ROBO2: variants seen among roughly 807,000 people sequenced by gnomAD.
ROBO2 encodes the protein roundabout guidance receptor 2.
In ROBO2, 53 loss-of-function variants were observed where a neutral mutation model predicts 160.8. The observed-to-expected ratio is 0.33, with a 90% CI of 0.26 to 0.41. The LOEUF is 0.41. Ranked by LOEUF, ROBO2 falls within the 10% of genes least tolerant of loss-of-function variation. The pLI, the probability that ROBO2 is intolerant of heterozygous loss-of-function variation, is 1.00. For synonymous variants in ROBO2, 664 were observed against 611.7 expected (o/e 1.09, Z -1.26); for missense variants, 1,577 against 1,722.4 (o/e 0.92, Z 1.49).
At chr3:76,567,236 C>T (rs570236173) in intron 2 of ROBO2, among the ~76,000 whole-genome samples, 3 of 152,058 alleles carry the variant, frequency 2.0e-5, no homozygotes, top group African/African-American at 4.8e-5. Context: ...CTGAAAATGG[C>T]ATGATTGTGT....
intron 2 of ROBO2, among the ~76,000 whole-genome samples, chr3:76,256,413 A>G (rs1454330989): frequency 2.0e-5 from 3 of 150,186 alleles, no homozygotes; most frequent in African/African-American, 7.3e-5. Flanking sequence ...ATTAAATTGT[A>G]TTAATTAGTT....
At chr3:76,567,633 A>ATG (rs1468544967) in intron 2 of ROBO2, among the ~76,000 whole-genome samples, 2 of 73,822 alleles carry the variant, frequency 2.7e-5, no homozygotes, top group African/African-American at 9.0e-5. Flanking sequence ...ATATATATAT[A>ATG]TATATATATA....
intron 2 of ROBO2, among the ~76,000 whole-genome samples, chr3:76,187,029 C>G (rs972230772): frequency 6.6e-6 from 1 of 150,672 alleles, no homozygotes; most frequent in Non-Finnish European, 1.5e-5. Flanking sequence ...CTATGCCATC[C>G]ATAAATATTA....
chr3:76,989,655 G>A (rs1022050172), intron 2 of ROBO2, among the ~76,000 whole-genome samples: 2 of 151,942 alleles, frequency 1.3e-5, no homozygotes, highest in South Asian at 4.2e-4. Flanking sequence ...GTTTGGAGAA[G>A]GTTTTCTCCT....
intron 2 of ROBO2, among the ~76,000 whole-genome samples, chr3:76,093,390 C>T (rs1485851273): frequency 1.3e-5 from 2 of 151,442 alleles, no homozygotes; most frequent in African/African-American, 4.8e-5. Flanking sequence ...ATACAATTTT[C>T]TTTCTGTCAA....
intron 2 of ROBO2, among the ~76,000 whole-genome samples, chr3:76,137,461 T>TA (rs2071473319): frequency 6.6e-6 from 1 of 152,040 alleles, no homozygotes; most frequent in African/African-American, 2.4e-5. Flanking sequence ...TAGACTATTG[T>TA]AATAATTCAG....
At chr3:76,164,699 C>T (rs957184298) in intron 2 of ROBO2, among the ~76,000 whole-genome samples, 6 of 152,100 alleles carry the variant, frequency 3.9e-5, no homozygotes, top group Non-Finnish European at 7.4e-5. Context: ...AACAGATATA[C>T]CATCATCCAG....
intron 2 of ROBO2, among the ~76,000 whole-genome samples, chr3:76,071,968 A>G (rs992584657): frequency 5.9e-5 from 9 of 152,130 alleles, no homozygotes; most frequent in Admixed American, 2.0e-4. Context: ...ATACCAAAAA[A>G]AGCTTGTTAA....
At chr3:76,520,625 T>A (rs2081560049) in intron 2 of ROBO2, among the ~76,000 whole-genome samples, 1 of 152,186 alleles carries the variant, frequency 6.6e-6, no homozygotes, top group Non-Finnish European at 1.5e-5. Context: ...ATCAATAATG[T>A]GACCAATCTT....
At chr3:76,660,233 C>T (rs573653922) in intron 2 of ROBO2, among the ~76,000 whole-genome samples, 28 of 152,238 alleles carry the variant, frequency 1.8e-4, no homozygotes, top group African/African-American at 6.3e-4. Context: ...GTGTACTTTA[C>T]TAAATATCAG....
chr3:76,463,974 A>G (rs1442246834), intron 2 of ROBO2, among the ~76,000 whole-genome samples: 1 of 152,156 alleles, frequency 6.6e-6, no homozygotes, highest in Non-Finnish European at 1.5e-5. Flanking sequence ...AGAAGGTGTG[A>G]TTGGAAGAGG....
intron 2 of ROBO2, among the ~76,000 whole-genome samples, chr3:76,048,639 T>G (rs1489949156): frequency 6.6e-6 from 1 of 152,092 alleles, no homozygotes; most frequent in African/African-American, 2.4e-5. Context: ...AATTATACAA[T>G]ATATTTTAAG....
At chr3:77,617,809 TC>T in intron 22 of ROBO2, 36 bp downstream of exon 23, 1 of 1,607,180 alleles carries the variant, frequency 6.2e-7, no homozygotes, top group South Asian at 1.1e-5. Context: ...ACCCATGCTT[TC>T]AACACATGGA....
chr3:77,639,788 G>A (rs1008436098), intron 24 of ROBO2, among the ~76,000 whole-genome samples: 3 of 152,108 alleles, frequency 2.0e-5, no homozygotes, highest in Admixed American at 6.5e-5. Context: ...GTGTAAGGCA[G>A]GGAAGTGACA....
At chr3:77,623,423 C>T (rs1378740622) in intron 23 of ROBO2, among the ~76,000 whole-genome samples, 1 of 152,196 alleles carries the variant, frequency 6.6e-6, no homozygotes, top group Non-Finnish European at 1.5e-5. Context: ...ACAGATTTTA[C>T]ACAATGTGTT....
At chr3:76,804,154 G>A (rs2064479760) in intron 2 of ROBO2, among the ~76,000 whole-genome samples, 1 of 152,184 alleles carries the variant, frequency 6.6e-6, no homozygotes, top group African/African-American at 2.4e-5. Flanking sequence ...GTAAACAAAT[G>A]AGAGAACGAT....
intron 2 of ROBO2, among the ~76,000 whole-genome samples, chr3:77,114,293 T>C (rs2073982466): frequency 6.6e-6 from 1 of 152,172 alleles, no homozygotes; most frequent in East Asian, 1.9e-4. Context: ...AAGATATTTC[T>C]AAGGTATCAT....
At chr3:76,084,865 T>C (rs149660001) in intron 2 of ROBO2, among the ~76,000 whole-genome samples, 7 of 152,208 alleles carry the variant, frequency 4.6e-5, no homozygotes, top group African/African-American at 1.4e-4. Context: ...TCTTATTCTG[T>C]GAAACATATA....
intron 2 of ROBO2, among the ~76,000 whole-genome samples, chr3:76,507,862 C>T (rs113865823): frequency 6.6e-6 from 1 of 152,218 alleles, no homozygotes; most frequent in Admixed American, 6.5e-5. Context: ...AAACAACTCT[C>T]TGATCTGTCT....
Sources: gnomAD v4.1 joint callset for allele counts (sites outside exome capture counted in the v4.1 genomes callset) on GRCh38, gnomAD v4.1.1 for gene constraint, MANE v1.5 for transcripts, NCBI Gene and HGNC (gene_info 2026-07-23, HGNC 2026-07-21) for gene names.